The following INPP4B variants were observed in gnomAD, a reference collection of about 807,000 sequenced individuals.
INPP4B encodes the protein inositol polyphosphate-4-phosphatase type II B.
In INPP4B, 55 loss-of-function variants were observed where a neutral mutation model predicts 122.5. The ratio of observed to expected loss-of-function variants is 0.45; its 90% confidence interval spans 0.36 to 0.56. The LOEUF (loss-of-function observed/expected upper bound fraction) is 0.56, where lower values mean the gene tolerates loss of function less well. INPP4B is among the 20% of genes least tolerant of loss of function. The pLI, the probability that INPP4B is intolerant of heterozygous loss-of-function variation, is 0.00. For synonymous variants in INPP4B, 403 were observed against 388.7 expected, an observed-to-expected ratio of 1.04 and a Z score of -0.43; for missense variants, 1,000 against 1,097.7, an observed-to-expected ratio of 0.91 and a Z score of 1.26.
At chr4:142,612,320 T>C (rs1469774201) in intron 2 of INPP4B, among the ~76,000 whole-genome samples, 1 of 152,248 alleles carries the variant, frequency 6.6e-6, no homozygotes, top group Non-Finnish European at 1.5e-5. Flanking sequence ...TTAGTTTTTA[T>C]AGAATAACTA....
At chr4:142,069,548 G>A (rs1383608146) in intron 25 of INPP4B, among the ~76,000 whole-genome samples, 1 of 152,068 alleles carries the variant, frequency 6.6e-6, no homozygotes, top group Non-Finnish European at 1.5e-5. Context: ...TCCAGGAGCT[G>A]GTTTTTTGAA....
At chr4:142,790,745 C>A (rs1474353717) in intron 1 of INPP4B, among the ~76,000 whole-genome samples, 1 of 151,920 alleles carries the variant, frequency 6.6e-6, no homozygotes, top group Non-Finnish European at 1.5e-5. Flanking sequence ...ATATCTATTT[C>A]TATATGATGC....
intron 7 of INPP4B, among the ~76,000 whole-genome samples, chr4:142,396,541 T>C (rs1435792686): frequency 1.3e-5 from 2 of 152,140 alleles, no homozygotes; most frequent in Non-Finnish European, 2.9e-5. Context: ...TGGAAAATAA[T>C]TTGACAGTTT....
chr4:142,243,165 C>T (rs1171388384), intron 11 of INPP4B, among the ~76,000 whole-genome samples: 4 of 152,142 alleles, frequency 2.6e-5, no homozygotes, highest in African/African-American at 7.2e-5. Flanking sequence ...AACTGAAAGA[C>T]CCCTTTATGT....
At chr4:142,649,565 C>A (rs1752504707) in intron 2 of INPP4B, among the ~76,000 whole-genome samples, 1 of 152,044 alleles carries the variant, frequency 6.6e-6, no homozygotes, top group South Asian at 2.1e-4. Flanking sequence ...CTTCGTGATG[C>A]ATACATAAGC....
Position 142,475,872 on chromosome 4 carries a change from T to C in INPP4B, c.-190-13146A>G, listed in dbSNP as rs142829815. Among the ~76,000 whole-genome samples, 968 of 152,314 alleles carry C rather than the reference T, an allele frequency of 6.4e-3. 7 individuals are homozygous for C. The highest frequency in any genetic ancestry group is 8.2e-3 in the Non-Finnish European group (558 of 68,036). On this transcript the variant is annotated intron_variant, in intron 2 of 25. Coordinates refer to ENST00000262992, the MANE Select transcript of INPP4B (RefSeq NM_001101669.3). ...GTAAAGAGATCATATCTATGACTCA[T>C]TGGCATCACTGAAAGAGAGAAGCAC...
intron 2 of INPP4B, among the ~76,000 whole-genome samples, chr4:142,587,237 C>T (rs1053003219): frequency 3.9e-5 from 6 of 151,942 alleles, no homozygotes; most frequent in Non-Finnish European, 8.8e-5. Flanking sequence ...AAGATAACAC[C>T]CCATCCATTT....
At chr4:142,659,123 G>C (rs1327421239) in intron 2 of INPP4B, among the ~76,000 whole-genome samples, 1 of 151,948 alleles carries the variant, frequency 6.6e-6, no homozygotes, top group Non-Finnish European at 1.5e-5. Flanking sequence ...GACTGGGCAG[G>C]GCACGGAGGT....
intron 2 of INPP4B, among the ~76,000 whole-genome samples, chr4:142,708,028 CT>C (rs1762664244): frequency 3.9e-5 from 6 of 152,170 alleles, no homozygotes; most frequent in Admixed American, 3.9e-4. Context: ...GCAGAGGCCA[CT>C]TTTGTTATGC....
At chr4:142,371,730 G>A (rs1264894042) in intron 7 of INPP4B, among the ~76,000 whole-genome samples, 1 of 151,922 alleles carries the variant, frequency 6.6e-6, no homozygotes, top group Non-Finnish European at 1.5e-5. Flanking sequence ...ACCACAATGA[G>A]ATATCATCTC....
intron 14 of INPP4B, 51 bp from the exon 15 acceptor site, chr4:142,193,246 G>T: frequency 9.4e-7 from 1 of 1,061,340 alleles, no homozygotes. Context: ...ATTTATCTCC[G>T]TCATGCTGTT....
In INPP4B at chr4:142,748,677, A is replaced by C. The variant is rs1004426908; in HGVS notation, c.-253-22776T>G. ...TATCCAAACTGAATCAGAAAAAAAA[A>C]ATAGAAAATTGAATGATATTCTTCC... On this transcript the variant is annotated intron_variant, in intron 1 of 25. Transcript: ENST00000262992. Among the ~76,000 whole-genome samples, 2 of 152,074 alleles carry C rather than the reference A, an allele frequency of 1.3e-5. 1 individual carries two copies. Among genetic ancestry groups the C allele is most frequent in the Admixed American group, 1.3e-4 (2 of 15,250 alleles).
intron 5 of INPP4B, among the ~76,000 whole-genome samples, chr4:142,415,978 G>T (rs1468267049): frequency 6.8e-6 from 1 of 147,876 alleles, no homozygotes; most frequent in Admixed American, 6.8e-5. Context: ...ACAGGAAGGG[G>T]AACATCACAC....
intron 8 of INPP4B, among the ~76,000 whole-genome samples, chr4:142,306,384 A>G (rs1363925816): frequency 6.6e-6 from 1 of 152,170 alleles, no homozygotes; most frequent in African/African-American, 2.4e-5. Flanking sequence ...AAATATGAAA[A>G]TATCAAACCC....
At chr4:142,251,805 A>G (rs551470593) in intron 11 of INPP4B, among the ~76,000 whole-genome samples, 1 of 152,336 alleles carries the variant, frequency 6.6e-6, no homozygotes, top group Non-Finnish European at 1.5e-5. Flanking sequence ...CTTGCAAGAG[A>G]AAACTGCTAA....
At chr4:142,240,404 T>G (rs1401840678) in intron 11 of INPP4B, among the ~76,000 whole-genome samples, 1 of 152,108 alleles carries the variant, frequency 6.6e-6, no homozygotes, top group Non-Finnish European at 1.5e-5. Flanking sequence ...TGAAATAGAT[T>G]AAACAGAAAT....
chr4:142,554,948 C>T (rs1728822454), intron 2 of INPP4B, among the ~76,000 whole-genome samples: 1 of 152,154 alleles, frequency 6.6e-6, no homozygotes, highest in South Asian at 2.1e-4. Flanking sequence ...TCTTTGCCTA[C>T]AAATTCCTAT....
At chr4:142,843,676 A>G (rs923335681) in intron 1 of INPP4B, among the ~76,000 whole-genome samples, 1 of 141,778 alleles carries the variant, frequency 7.1e-6, no homozygotes, top group Admixed American at 6.9e-5. Context: ...CATTTTACTC[A>G]CTAATTATGA....
At chr4:142,471,465 C>T (rs541182012) in intron 2 of INPP4B, among the ~76,000 whole-genome samples, 2 of 152,340 alleles carry the variant, frequency 1.3e-5, no homozygotes, top group African/African-American at 2.4e-5. Context: ...TCACACATCA[C>T]CAAGACGGAT....
Sources: gnomAD v4.1 joint callset for allele counts (sites outside exome capture counted in the v4.1 genomes callset) on GRCh38, gnomAD v4.1.1 for gene constraint, MANE v1.5 for transcripts, NCBI Gene and HGNC (gene_info 2026-07-23, HGNC 2026-07-21) for gene names.